The following EML6 variants were observed in gnomAD, a reference collection of about 807,000 sequenced individuals.
EML6 encodes the protein EMAP like 6.
In EML6, 154 loss-of-function variants were observed where a neutral mutation model predicts 240.1. That is an observed-to-expected ratio of 0.64 (90% CI 0.56 to 0.73). The LOEUF (loss-of-function observed/expected upper bound fraction) is 0.73, where lower values mean the gene tolerates loss of function less well. Ranked by LOEUF, EML6 falls within the 30% of genes least tolerant of loss-of-function variation. The pLI is 0.00. For missense variants in EML6, 2,964 were observed against 2,474.6 expected, an observed-to-expected ratio of 1.20 and a Z score of -4.20; for synonymous variants, 1,148 against 899.0, an observed-to-expected ratio of 1.28 and a Z score of -4.95.
At chr2:54,796,062 T>G (rs938392414) in intron 2 of EML6, among the ~76,000 whole-genome samples, 4 of 152,092 alleles carry the variant, frequency 2.6e-5, no homozygotes, top group Non-Finnish European at 5.9e-5. Flanking sequence ...TCTTTAAAAC[T>G]TTCTCAGAGA....
In EML6 at chr2:54,960,321, T is replaced by C. The variant is rs1424121204; in HGVS notation, c.4955T>C (p.Val1652Ala). Residue 1652 changes from valine (V) to alanine (A), a missense_variant, in exon 35 of 42, where the codon GTG becomes GCG. Coordinates refer to ENST00000356458, the MANE Select transcript of EML6 (RefSeq NM_001039753.4). ...CAGCTGGTGGAGTGTGTGCGCTCCG[T>C]GTGCCGTGGAAAAGTGAGCACAGCC... Reference protein sequence around the residue: ...TGQLVECVRSVCRGKGKILVG... With the variant: ...TGQLVECVRSACRGKGKILVG... The C allele has an allele frequency of 1.3e-6, 2 of 1,549,962 alleles. No individual in the cohort carries two copies. The highest frequency in any genetic ancestry group is 2.4e-5 in the East Asian group (1 of 40,904).
chr2:54,922,963 G>T (rs1332221901), intron 26 of EML6, among the ~76,000 whole-genome samples: 2 of 133,990 alleles, frequency 1.5e-5, no homozygotes, highest in African/African-American at 2.9e-5. Flanking sequence ...TTTTTTGAGA[G>T]GGAGTTTTGT....
At chr2:54,798,168 G>GTTTA (rs1292411015) in intron 2 of EML6, among the ~76,000 whole-genome samples, 1 of 151,972 alleles carries the variant, frequency 6.6e-6, no homozygotes, top group Non-Finnish European at 1.5e-5. Context: ...GTATTTTATA[G>GTTTA]TTTATTTATT....
chr2:54,868,980 A>G (rs767788891), intron 14 of EML6: 5 of 500,584 alleles, frequency 1.0e-5, no homozygotes, highest in African/African-American at 1.9e-5. Flanking sequence ...TACAATGTTC[A>G]GTGCCCATGT....
intron 3 of EML6, among the ~76,000 whole-genome samples, chr2:54,815,801 GCTGT>G (rs1415557068): frequency 6.6e-6 from 1 of 152,256 alleles, no homozygotes; most frequent in Non-Finnish European, 1.5e-5. Flanking sequence ...ACCATATGTG[GCTGT>G]CTGTTTCATC....
intron 33 of EML6, among the ~76,000 whole-genome samples, chr2:54,958,310 G>C (rs1676330683): frequency 6.6e-6 from 1 of 152,076 alleles, no homozygotes; most frequent in South Asian, 2.1e-4. Context: ...TCCTGCCTCA[G>C]CCTCCCAAGT....
chr2:54,792,514 G>A (rs164855), intron 2 of EML6, among the ~76,000 whole-genome samples: 135,070 of 152,308 alleles, frequency 0.89, 60,196 homozygotes, highest in African/African-American at 0.97. Context: ...TGTTGATAGC[G>A]GCTATATTTG....
intron 2 of EML6, among the ~76,000 whole-genome samples, chr2:54,795,453 A>T (rs1272987702): frequency 1.3e-5 from 2 of 152,156 alleles, no homozygotes; most frequent in African/African-American, 2.4e-5. Context: ...TTACAATTGG[A>T]GATGAGACTT....
intron 28 of EML6, among the ~76,000 whole-genome samples, chr2:54,933,828 G>C (rs76438263): frequency 6.6e-6 from 1 of 152,122 alleles, no homozygotes; most frequent in African/African-American, 2.4e-5. Flanking sequence ...GCGGCTCAAA[G>C]TCTCAGCCAG....
chr2:54,748,362 G>A (rs1684012017), intron 2 of EML6: 1 of 152,066 alleles, frequency 6.6e-6, no homozygotes, highest in Non-Finnish European at 1.5e-5. Context: ...GATCCTACCT[G>A]GATTGGGAGA....
At chr2:54,848,478 C>G (rs1669889562) in intron 9 of EML6, among the ~76,000 whole-genome samples, 3 of 147,218 alleles carry the variant, frequency 2.0e-5, no homozygotes, top group Admixed American at 1.4e-4. Context: ...GAAAAGATGG[C>G]TGAGTACCAG....
At chr2:54,921,542 T>C (rs1463349711) in intron 26 of EML6, among the ~76,000 whole-genome samples, 1 of 152,062 alleles carries the variant, frequency 6.6e-6, no homozygotes, top group Non-Finnish European at 1.5e-5. Context: ...CTTATCAAAA[T>C]TCCAAAGGCA....
intron 23 of EML6, 30 bp downstream of exon 23, chr2:54,903,226 T>A: frequency 6.5e-7 from 1 of 1,546,004 alleles, no homozygotes; most frequent in Non-Finnish European, 8.8e-7. Flanking sequence ...CTTTTTAAAA[T>A]AGCACAGTCT....
At chr2:54,939,916 A>G (rs1010694994) in intron 28 of EML6, among the ~76,000 whole-genome samples, 1 of 152,252 alleles carries the variant, frequency 6.6e-6, no homozygotes, top group Non-Finnish European at 1.5e-5. Context: ...GCCCGGCACA[A>G]GCAAACACGA....
chr2:54,913,292 G>A lies in EML6; in HGVS notation c.3498+2250G>A, dbSNP rs373623906. Reference sequence around the variant, plus strand: ...TCTAAGGGTCTTGCTGTATCACCCAGGCTGGAGTGTAGCGGTACCATCACG... The same window carrying A: ...TCTAAGGGTCTTGCTGTATCACCCAAGCTGGAGTGTAGCGGTACCATCACG... On this transcript the variant is annotated intron_variant, in intron 25 of 41. Transcript: ENST00000356458. Among the ~76,000 whole-genome samples, 55 of 151,138 alleles carry A rather than the reference G, an allele frequency of 3.6e-4. 3 individuals carry two copies. The East Asian group carries it at 9.1e-3, about 25-fold the overall frequency.
At chr2:54,768,273 T>G (rs1313692137) in intron 2 of EML6, among the ~76,000 whole-genome samples, 1 of 152,198 alleles carries the variant, frequency 6.6e-6, no homozygotes, top group Admixed American at 6.5e-5. Context: ...ACTTTTTAGT[T>G]AAAAGGATTC....
At chr2:54,752,193 C>A (rs760288196) in intron 2 of EML6, among the ~76,000 whole-genome samples, 1 of 151,934 alleles carries the variant, frequency 6.6e-6, no homozygotes, top group Non-Finnish European at 1.5e-5. Flanking sequence ...TTTTTTTCCA[C>A]CATTATAATA....
intron 2 of EML6, among the ~76,000 whole-genome samples, chr2:54,773,899 C>G (rs963734250): frequency 1.3e-5 from 2 of 152,226 alleles, no homozygotes; most frequent in African/African-American, 4.8e-5. Flanking sequence ...AGATTCAAAT[C>G]TGTTTCTGCT....
At chr2:54,926,161 G>T (rs145014978) in intron 26 of EML6, among the ~76,000 whole-genome samples, 1 of 152,292 alleles carries the variant, frequency 6.6e-6, no homozygotes, top group Non-Finnish European at 1.5e-5. Flanking sequence ...TAGTGCAGTG[G>T]TGTGATCTTG....
Sources: allele counts gnomAD v4.1 joint callset (sites outside exome capture counted in the v4.1 genomes callset), GRCh38; gene constraint gnomAD v4.1.1; transcripts MANE v1.5; gene names NCBI Gene and HGNC (gene_info 2026-07-23, HGNC 2026-07-21).